Variants in MMUT observed in about 807,000 individuals in gnomAD.
MMUT encodes methylmalonyl-CoA mutase, mitochondrial.
Under a neutral mutation model 79.9 loss-of-function variants are expected in MMUT, and 79 were observed. The observed-to-expected ratio is 0.99, with a 90% confidence interval of 0.82 to 1.19. The LOEUF (loss-of-function observed/expected upper bound fraction) is 1.19, where lower values mean the gene tolerates loss of function less well. Among genes scored for constraint, MMUT ranks in the 50% most tolerant of loss-of-function variants. MMUT has a pLI of 0.00. For synonymous variants in MMUT, 273 were observed against 295.7 expected (o/e 0.92, Z 0.79); for missense variants, 860 against 917.2 (o/e 0.94, Z 0.81).
At chr6:49,460,019 T>C (rs1017833948) in intron 1 of MMUT, among the ~76,000 whole-genome samples, 2 of 152,188 alleles carry the variant, frequency 1.3e-5, no homozygotes, top group African/African-American at 4.8e-5. Flanking sequence ...CTCAGACCCA[T>C]CTCTGTCTTT....
intron 6 of MMUT, among the ~76,000 whole-genome samples, chr6:49,449,735 A>G (rs1181955816): frequency 2.6e-5 from 4 of 152,204 alleles, no homozygotes; most frequent in Non-Finnish European, 4.4e-5. Flanking sequence ...AAAACTTCAG[A>G]AAATATCATG....
chr6:49,443,924 C>T (rs955533468), intron 9 of MMUT: 4 of 279,522 alleles, frequency 1.4e-5, no homozygotes, highest in Admixed American at 4.5e-5. Context: ...AAAGGCAAAA[C>T]GTCTCAAGAA....
chr6:49,440,631 G>C (rs1025225144), intron 10 of MMUT, among the ~76,000 whole-genome samples: 1 of 151,988 alleles, frequency 6.6e-6, no homozygotes, highest in Admixed American at 6.6e-5. Flanking sequence ...TATTCTTTGT[G>C]ATGATCTCCC....
At chr6:49,447,848 A>C (rs2127416881) in intron 7 of MMUT, 63 bp from the exon 8 acceptor site, 8 of 911,278 alleles carry the variant, frequency 8.8e-6, no homozygotes, top group African/African-American at 6.6e-5. Flanking sequence ...TGCTCTGGTT[A>C]TGATGTATTT....
chr6:49,444,900 T>C lies in MMUT; in HGVS notation c.1561-146A>G, dbSNP rs921369715. The C allele has an allele frequency of 3.4e-4, 200 of 591,072 alleles. 1 individual carries two copies. The highest frequency in any genetic ancestry group is 2.7e-4 in the Admixed American group (9 of 33,152). 36.6% of individuals were successfully genotyped at this position (591,072 alleles called of 1,614,324 possible). The stretch of plus-strand genomic sequence containing the variant: ...AAGAGGAAAAAATTGAAAAGAATAA[T>C]ATATAACCTAGGAATTTTATTCATT... On this transcript the variant is annotated intron_variant, in intron 8 of 12. Coordinates refer to ENST00000274813, the MANE Select transcript of MMUT (RefSeq NM_000255.4).
chr6:49,448,270 T>C (rs1561955073), intron 7 of MMUT, among the ~76,000 whole-genome samples: 1 of 152,060 alleles, frequency 6.6e-6, no homozygotes, highest in African/African-American at 2.4e-5. Flanking sequence ...TTATTACTCT[T>C]ATATAAAACT....
At chr6:49,442,582 C>G (rs1266221863) in intron 9 of MMUT, among the ~76,000 whole-genome samples, 1 of 151,932 alleles carries the variant, frequency 6.6e-6, no homozygotes, top group Non-Finnish European at 1.5e-5. Context: ...AGACACTAAA[C>G]CACGCAAAGA....
chr6:49,448,702 C>T (rs1202710947), intron 7 of MMUT, 114 bp downstream of exon 7: 1 of 873,074 alleles, frequency 1.1e-6, no homozygotes, highest in African/African-American at 1.7e-5. Context: ...AAAAATTTAC[C>T]CAAGTTCCAT....
intron 12 of MMUT, among the ~76,000 whole-genome samples, chr6:49,435,064 A>AT (rs942849026): frequency 2.6e-5 from 4 of 152,098 alleles, no homozygotes; most frequent in African/African-American, 9.7e-5. Context: ...AGTACTCACT[A>AT]TATCTCTGGC....
intron 9 of MMUT, among the ~76,000 whole-genome samples, chr6:49,444,375 G>GA (rs1335197645): frequency 1.3e-5 from 2 of 151,948 alleles, no homozygotes; most frequent in Non-Finnish European, 2.9e-5. Context: ...TTCAACCTGC[G>GA]AATCAGTGAA....
intron 8 of MMUT, among the ~76,000 whole-genome samples, chr6:49,446,010 T>C (rs564186274): frequency 6.6e-6 from 1 of 152,134 alleles, no homozygotes; most frequent in African/African-American, 2.4e-5. Context: ...GTAAGCTTCT[T>C]AGATAAGGTG....
intron 1 of MMUT, among the ~76,000 whole-genome samples, chr6:49,462,772 T>C (rs777647730): frequency 2.6e-5 from 4 of 152,080 alleles, no homozygotes; most frequent in Non-Finnish European, 5.9e-5. Context: ...TTTGGAACCA[T>C]ACAAAAAGTG....
At position 49,456,082 on chromosome 6, in the gene MMUT, T is replaced by C. The variant is rs1374073150; in HGVS notation, c.909A>G (p.Pro303=). The C allele has an allele frequency of 6.2e-7, 1 of 1,612,034 alleles. No homozygotes were observed. The highest frequency in any genetic ancestry group is 1.3e-5 in the African/African-American group (1 of 74,994). Residue 303 remains proline (P), a splice_region_variant and synonymous_variant, in exon 4 of 13, where the codon CCA becomes CCG. Transcript: ENST00000274813. The part of the protein sequence containing the change: ...QAGLTIDEFA[P]RLSFFWGIGM... ...ATATCTAGGTTTAATTTACTCACCTTGGTGCAAATTCATCAATTGTCAGGC... is the reference window on the plus strand; with the variant it reads ...ATATCTAGGTTTAATTTACTCACCTCGGTGCAAATTCATCAATTGTCAGGC...
At chr6:49,451,785 T>C (rs1041492534) in intron 5 of MMUT, 71 bp from the exon 6 acceptor site, 12 of 1,453,032 alleles carry the variant, frequency 8.3e-6, no homozygotes, top group African/African-American at 2.8e-5. Context: ...AACAGCAACA[T>C]GATTAAACAG....
intron 1 of MMUT, 74 bp from the exon 2 acceptor site, chr6:49,459,579 C>A: frequency 1.7e-6 from 2 of 1,171,118 alleles, no homozygotes; most frequent in Non-Finnish European, 2.4e-6. Context: ...AAGAAAGGAA[C>A]AGAAAAGAAA....
At chr6:49,450,162 C>G (rs1425322081) in intron 6 of MMUT, among the ~76,000 whole-genome samples, 1 of 147,106 alleles carries the variant, frequency 6.8e-6, no homozygotes, top group Non-Finnish European at 1.5e-5. Context: ...ACTAGGGAGT[C>G]AAAAGTTGCA....
At chr6:49,454,188 C>G (rs1767630426) in intron 4 of MMUT, among the ~76,000 whole-genome samples, 1 of 152,184 alleles carries the variant, frequency 6.6e-6, no homozygotes, top group Non-Finnish European at 1.5e-5. Flanking sequence ...TAGGCATATA[C>G]TTCTCCAATT....
rs1448907509 is a variant in MMUT at position 49,441,973 on chromosome 6, T to G, written c.1677-2A>C. The G allele has an allele frequency of 6.2e-7, 1 of 1,608,436 alleles. No individual in the cohort carries two copies. Among genetic ancestry groups the G allele is most frequent in the Admixed American group, 1.7e-5 (1 of 59,894 alleles). Reference sequence around the variant, plus strand: ...TCTGTGATTTCTCCCACTGTACATCTGAAACATGAAATGGTGGTTCCATTA... The same window carrying G: ...TCTGTGATTTCTCCCACTGTACATCGGAAACATGAAATGGTGGTTCCATTA... On this transcript the variant is annotated splice_acceptor_variant, in intron 9 of 12. Coordinates refer to ENST00000274813, the MANE Select transcript of MMUT (RefSeq NM_000255.4). LOFTEE classifies it high-confidence loss of function.
intron 2 of MMUT, among the ~76,000 whole-genome samples, 191 bp from the exon 3 acceptor site, chr6:49,458,249 T>A (rs1767745790): frequency 6.6e-6 from 1 of 152,176 alleles, no homozygotes; most frequent in Non-Finnish European, 1.5e-5. Flanking sequence ...GTCAGTTGTT[T>A]CCCTTGTGCC....
Sources: gnomAD v4.1 joint callset for allele counts (sites outside exome capture counted in the v4.1 genomes callset) on GRCh38, gnomAD v4.1.1 for gene constraint, MANE v1.5 for transcripts, NCBI Gene and HGNC (gene_info 2026-07-23, HGNC 2026-07-21) for gene names.